The following CACNA1E variants were observed in gnomAD, a reference collection of about 807,000 sequenced individuals.
CACNA1E encodes the protein voltage-dependent R-type calcium channel subunit alpha-1E.
CACNA1E carries 40 observed loss-of-function variants against 259.2 expected under a neutral mutation model. The ratio of observed to expected loss-of-function variants is 0.15; its 90% confidence interval spans 0.12 to 0.20. CACNA1E has a LOEUF of 0.20. Ranked by LOEUF, CACNA1E falls within the 10% of genes least tolerant of loss-of-function variation. The probability of loss-of-function intolerance (pLI) is 1.00; values close to 1 mark genes in which losing one functional copy is unlikely to be tolerated. For missense variants in CACNA1E, 1,874 were observed against 3,040.1 expected (o/e 0.62, Z 9.02); for synonymous variants, 1,104 against 1,138.5 (o/e 0.97, Z 0.61).
At chr1:181,792,325 C>T (rs933518942) in intron 44 of CACNA1E, among the ~76,000 whole-genome samples, 7 of 152,190 alleles carry the variant, frequency 4.6e-5, no homozygotes, top group Non-Finnish European at 7.3e-5. Flanking sequence ...GTCTGTAATT[C>T]AATTTAGGTG....
At chr1:181,484,114 A>T in intron 1 of CACNA1E, 104 bp downstream of exon 1, 1 of 1,202,510 alleles carries the variant, frequency 8.3e-7, no homozygotes, top group Non-Finnish European at 1.2e-6. Context: ...CCTGGTGCCA[A>T]TTTGCCCCTT....
In CACNA1E at chr1:181,551,642, G is replaced by C. The variant is rs554375292; in HGVS notation, c.513-26124G>C. On this transcript the variant is annotated intron_variant, in intron 3 of 47. Coordinates refer to ENST00000367573, the MANE Select transcript of CACNA1E (RefSeq NM_001205293.3). ...GGGTGTGCGAAAAAGCTCTGTGCAGGGGAGAGTGGCTGGGATAATAGACTC... is the reference window on the plus strand; with the variant it reads ...GGGTGTGCGAAAAAGCTCTGTGCAGCGGAGAGTGGCTGGGATAATAGACTC... Among the ~76,000 whole-genome samples the C allele has an allele frequency of 2.0e-5, 3 of 152,190 alleles. No homozygotes were observed. The East Asian group carries it at 5.8e-4, about 29-fold the overall frequency.
At chr1:181,781,299 G>T in intron 38 of CACNA1E, 128 bp from the exon 39 acceptor site, 5 of 618,312 alleles carry the variant, frequency 8.1e-6, no homozygotes, top group East Asian at 2.8e-5. Context: ...GTTCGTTTTT[G>T]CTCTCTGGGA....
chr1:181,637,251 C>A (rs1245947983), intron 6 of CACNA1E, among the ~76,000 whole-genome samples: 1 of 152,152 alleles, frequency 6.6e-6, no homozygotes. Context: ...ATTAGAAGTT[C>A]TTTGTGGCAA....
At chr1:181,730,997 G>A (rs1049219638) in intron 18 of CACNA1E, among the ~76,000 whole-genome samples, 178 bp from the exon 19 acceptor site, 3 of 152,334 alleles carry the variant, frequency 2.0e-5, no homozygotes, top group African/African-American at 4.8e-5. Context: ...GCAAGGAATC[G>A]AAAGTCACTC....
At chr1:181,722,941 A>G (rs1278731918) in intron 16 of CACNA1E, among the ~76,000 whole-genome samples, 1 of 152,202 alleles carries the variant, frequency 6.6e-6, no homozygotes, top group African/African-American at 2.4e-5. Context: ...CAATGGCACC[A>G]TCATTTTCCT....
chr1:181,522,089 T>C (rs1417045854), intron 3 of CACNA1E, among the ~76,000 whole-genome samples: 3 of 152,158 alleles, frequency 2.0e-5, no homozygotes, highest in Non-Finnish European at 4.4e-5. Flanking sequence ...GAGAAGAAGA[T>C]AGAACAAGTT....
chr1:181,458,775 C>T (rs2102364386), intron 2 of CACNA1E, among the ~76,000 whole-genome samples: 1 of 152,270 alleles, frequency 6.6e-6, no homozygotes, highest in South Asian at 2.1e-4. Flanking sequence ...TGGTTTCTAT[C>T]ACATTTGATG....
intron 7 of CACNA1E, 28 bp downstream of exon 7, chr1:181,651,469 C>T: frequency 6.7e-7 from 1 of 1,500,786 alleles, no homozygotes; most frequent in Non-Finnish European, 9.3e-7. Context: ...CTCTTCTTAA[C>T]TCATTTGCTG....
intron 6 of CACNA1E, among the ~76,000 whole-genome samples, chr1:181,647,468 C>T (rs1479973280): frequency 6.6e-6 from 1 of 152,170 alleles, no homozygotes; most frequent in Non-Finnish European, 1.5e-5. Flanking sequence ...AGGCAACCCT[C>T]CTCTCTTGCA....
At chr1:181,532,982 G>T (rs1209931203) in intron 3 of CACNA1E, among the ~76,000 whole-genome samples, 1 of 152,130 alleles carries the variant, frequency 6.6e-6, no homozygotes, top group East Asian at 1.9e-4. Context: ...TGGAAGAGTG[G>T]CATTCCCTAT....
rs143005227 is a variant in CACNA1E at position 181,678,230 on chromosome 1, T to C, written c.1055+26789T>C. Among the ~76,000 whole-genome samples, 957 of 152,288 alleles carry C rather than the reference T, an allele frequency of 6.3e-3. 11 individuals carry two copies. Among genetic ancestry groups the C allele is most frequent in the African/African-American group, 0.022 (920 of 41,546 alleles). On this transcript the variant is annotated intron_variant, in intron 7 of 47. Coordinates refer to ENST00000367573, the MANE Select transcript of CACNA1E (RefSeq NM_001205293.3). The stretch of plus-strand genomic sequence containing the variant: ...GACTTGCCCAGCACAGAAGTTAGGA[T>C]AGGCTGTCTCTAAAAGAGGACTGAG...
rs890110064 is a variant in CACNA1E at position 181,739,209 on chromosome 1, G to A, written c.3675G>A (p.Leu1225=). 1.1e-5 allele frequency: 18 copies of A among 1,613,706 alleles called. No individual in the cohort carries two copies. The highest frequency in any genetic ancestry group is 7.6e-6 in the Non-Finnish European group (9 of 1,179,746). Residue 1225 remains leucine, a synonymous_variant, in exon 25 of 48, where the codon CTG becomes CTA. Coordinates refer to ENST00000367573, the MANE Select transcript of CACNA1E (RefSeq NM_001205293.3). The part of the protein sequence containing the change: ...GSYFRDLWNI[L]DFVVVVGALV... The stretch of plus-strand genomic sequence containing the variant: ...ACTTCCGAGACTTGTGGAACATCCT[G>A]GACTTTGTGGTGGTCGTTGGCGCAT...
chr1:181,393,231 T>C (rs1307090193), intron 1 of CACNA1E, among the ~76,000 whole-genome samples: 1 of 152,216 alleles, frequency 6.6e-6, no homozygotes, highest in Non-Finnish European at 1.5e-5. Context: ...TATGGGATTT[T>C]AGGAAAGTTG....
At chr1:181,395,552 T>C (rs988833140) in intron 1 of CACNA1E, among the ~76,000 whole-genome samples, 9 of 152,154 alleles carry the variant, frequency 5.9e-5, no homozygotes, top group African/African-American at 2.2e-4. Flanking sequence ...GGGCAGTGAG[T>C]ACTCATTTGG....
At position 181,336,970 on chromosome 1, in the gene CACNA1E, ATAT is replaced by A. The variant is rs1027352188; in HGVS notation, c.-15+18848_-15+18850del. On this transcript the variant is annotated intron_variant, in intron 1 of 11. Coordinates refer to the CACNA1E transcript ENST00000524607. ...GATATAATGCAAAGAAAATTAAAAT[ATAT>A]AATATAGATATTTATATATCTATAT... is the stretch of plus-strand genomic sequence containing the variant. Among the ~76,000 whole-genome samples, 49 of 149,276 alleles carry A rather than the reference ATAT, an allele frequency of 3.3e-4. 1 individual carries two copies. The highest frequency in any genetic ancestry group is 2.2e-3 in the Admixed American group (33 of 14,926).
intron 1 of CACNA1E, among the ~76,000 whole-genome samples, chr1:181,394,187 A>T (rs6659479): frequency 0.012 from 1,784 of 152,314 alleles, 47 homozygotes; most frequent in African/African-American, 0.039. Flanking sequence ...CTCCAGCCAG[A>T]CCTGGGTTCA....
At chr1:181,408,835 A>C (rs1364623236) in intron 1 of CACNA1E, among the ~76,000 whole-genome samples, 1 of 152,190 alleles carries the variant, frequency 6.6e-6, no homozygotes, top group Non-Finnish European at 1.5e-5. Flanking sequence ...TGCAGAGCTC[A>C]TCTTATAACT....
chr1:181,434,438 AC>A (rs1659937466), intron 2 of CACNA1E, among the ~76,000 whole-genome samples: 1 of 151,654 alleles, frequency 6.6e-6, no homozygotes, highest in South Asian at 2.1e-4. Context: ...GGTAACCAAG[AC>A]CAGACAAGTG....
Sources: gnomAD v4.1 joint callset for allele counts (sites outside exome capture counted in the v4.1 genomes callset) on GRCh38, gnomAD v4.1.1 for gene constraint, MANE v1.5 for transcripts, NCBI Gene and HGNC (gene_info 2026-07-23, HGNC 2026-07-21) for gene names.